OSMR: variants seen among roughly 807,000 people sequenced by gnomAD.
The protein encoded by OSMR is oncostatin M receptor, also known as oncostatin-M-specific receptor subunit beta.
A neutral mutation model predicts 99.9 loss-of-function variants in OSMR; 81 were observed. That is an observed-to-expected ratio of 0.81 (90% CI 0.68 to 0.97). The LOEUF is 0.97. Ranked by LOEUF, OSMR falls within the 50% of genes least tolerant of loss-of-function variation. The pLI, the probability that OSMR is intolerant of heterozygous loss-of-function variation, is 0.00. For missense variants in OSMR, 1,099 were observed against 1,153.4 expected (o/e 0.95, Z 0.68); for synonymous variants, 406 against 410.4 (o/e 0.99, Z 0.13).
intron 15 of OSMR, 21 bp downstream of exon 15, chr5:38,925,392 G>A (rs2112670771): frequency 1.9e-6 from 3 of 1,603,980 alleles, no homozygotes; most frequent in South Asian, 1.1e-5. Context: ...CCAAATCAAA[G>A]TTCTTCCCTT....
Position 38,901,077 on chromosome 5 carries a change from A to G in OSMR, c.992-2805A>G, listed in dbSNP as rs371809911. Among the ~76,000 whole-genome samples the G allele has an allele frequency of 5.6e-4, 86 of 152,336 alleles. 2 individuals carry two copies. In the South Asian group the frequency reaches 0.018, roughly 31 times the overall value. Reference sequence around the variant, plus strand: ...GCCCATGAGTCTGTGAAAATACAGCAAGATATGGTGAGTAAGGCGGCTGGC... The same window carrying G: ...GCCCATGAGTCTGTGAAAATACAGCGAGATATGGTGAGTAAGGCGGCTGGC... On this transcript the variant is annotated intron_variant, in intron 7 of 17. Coordinates refer to ENST00000274276, the MANE Select transcript of OSMR (RefSeq NM_003999.3).
At chr5:38,885,989 C>T (rs766733717) in intron 6 of OSMR, 50 bp from the exon 7 acceptor site, 7 of 1,605,350 alleles carry the variant, frequency 4.4e-6, no homozygotes, top group Non-Finnish European at 8.5e-7. Context: ...TTTGCTTTGA[C>T]AAAAGTAAAA....
chr5:38,927,941 T>C (rs1746545092), intron 15 of OSMR, among the ~76,000 whole-genome samples: 1 of 152,212 alleles, frequency 6.6e-6, no homozygotes, highest in Non-Finnish European at 1.5e-5. Flanking sequence ...AAGTTCAACG[T>C]TCCACAGATC....
intron 9 of OSMR, among the ~76,000 whole-genome samples, chr5:38,913,027 T>A (rs1294690669): frequency 6.6e-6 from 1 of 152,070 alleles, no homozygotes; most frequent in Non-Finnish European, 1.5e-5. Flanking sequence ...GGAAATAATT[T>A]ATGACTAAGT....
At chr5:38,858,557 C>T (rs188535401) in intron 1 of OSMR, among the ~76,000 whole-genome samples, 11 of 152,226 alleles carry the variant, frequency 7.2e-5, no homozygotes, top group Admixed American at 1.3e-4. Context: ...TTGTGAATAG[C>T]GCTGCAACAA....
downstream of OSMR, chr5:38,945,204 T>C (rs1748057952): frequency 2.9e-6 from 2 of 688,810 alleles, no homozygotes; most frequent in Non-Finnish European, 4.7e-6. Context: ...CTTCCAAAAC[T>C]TTTTTCCTCA....
rs761946328 is a variant in OSMR, at chr5:38,918,872, C to T, written c.1395C>T (p.Ile465=). 3 of 1,613,904 alleles carry T rather than the reference C, an allele frequency of 1.9e-6. No homozygotes were observed. Among genetic ancestry groups the T allele is most frequent in the Non-Finnish European group, 2.5e-6 (3 of 1,179,888 alleles). The change falls in exon 11 of 18, where the codon ATC becomes ATT. Residue 465 remains isoleucine, a synonymous_variant. Coordinates refer to ENST00000274276, the MANE Select transcript of OSMR (RefSeq NM_003999.3). ...CAAAACTGCATGCCAATGGAAAGAT[C>T]CTGTTCTATAATGTAGTTGTAGAAA... ...PLSKLHANGK[I]LFYNVVVENL...
At chr5:38,907,157 G>C (rs1745290955) in intron 9 of OSMR, among the ~76,000 whole-genome samples, 1 of 152,184 alleles carries the variant, frequency 6.6e-6, no homozygotes, top group Non-Finnish European at 1.5e-5. Context: ...AGTGGACACA[G>C]GGAGAATGCA....
At chr5:38,921,863 G>C in intron 12 of OSMR, 69 bp downstream of exon 12, 1 of 1,339,232 alleles carries the variant, frequency 7.5e-7, no homozygotes, top group Non-Finnish European at 1.1e-6. Context: ...GGGATTTCTG[G>C]ACTACTTCAC....
chr5:38,896,677 T>C (rs1744540412), intron 7 of OSMR, among the ~76,000 whole-genome samples: 1 of 152,146 alleles, frequency 6.6e-6, no homozygotes, highest in Non-Finnish European at 1.5e-5. Flanking sequence ...GGACTTCCAG[T>C]ACTATGTCGA....
chr5:38,872,842 G>A (rs1742497979), intron 2 of OSMR, among the ~76,000 whole-genome samples: 1 of 151,938 alleles, frequency 6.6e-6, no homozygotes, highest in Admixed American at 6.6e-5. Context: ...AAAGCGCATG[G>A]GAAAATCCAA....
chr5:38,939,159 C>T (rs1461895923), downstream of OSMR: 1 of 232,916 alleles, frequency 4.3e-6, no homozygotes. Flanking sequence ...AAAAGGCATC[C>T]TCTGAATGGA....
chr5:38,904,443 G>A lies in OSMR; in HGVS notation c.1225G>A (p.Ala409Thr). ...CATGGCGCGAGTACGGTGTGCTGATGCCAGCCACTTCTGGAAATGGAGTGA... is the reference window on the plus strand; with the variant it reads ...CATGGCGCGAGTACGGTGTGCTGATACCAGCCACTTCTGGAAATGGAGTGA... The part of the protein sequence containing the change: ...EYMARVRCAD[A>T]SHFWKWSEWS... The change falls in exon 9 of 18, where the codon GCC becomes ACC. Residue 409 changes from alanine (A) to threonine (T), a missense_variant. Ala to Thr is a moderately conservative substitution (Grantham distance 58). Coordinates refer to ENST00000274276, the MANE Select transcript of OSMR (RefSeq NM_003999.3). 1 of 1,614,164 alleles carries A rather than the reference G, an allele frequency of 6.2e-7. No homozygotes were observed. Among genetic ancestry groups the A allele is most frequent in the Non-Finnish European group, 8.5e-7 (1 of 1,180,034 alleles).
rs1261909236 is a variant in OSMR, at chr5:38,885,341, A to G, written c.704-8A>G. The G allele has an allele frequency of 1.9e-6, 3 of 1,613,644 alleles. No individual in the cohort carries two copies. Among genetic ancestry groups the G allele is most frequent in the East Asian group, 2.2e-5 (1 of 44,874 alleles). ...TTTAACTAGGTCTGTTTTCCTTTGT[A>G]TGGACAGAAGTACTTGAGGAGCCCA... On this transcript the variant is annotated splice_polypyrimidine_tract_variant and splice_region_variant and intron_variant, in intron 5 of 17. Coordinates refer to ENST00000274276, the MANE Select transcript of OSMR (RefSeq NM_003999.3).
chr5:38,945,186 A>G, downstream of OSMR: 1 of 779,294 alleles, frequency 1.3e-6, no homozygotes, highest in Non-Finnish European at 2.0e-6. Flanking sequence ...TATGCAATAT[A>G]CCAAACACTT....
downstream of OSMR, chr5:38,938,927 C>T (rs1747241454): frequency 8.6e-6 from 2 of 232,682 alleles, no homozygotes; most frequent in Admixed American, 5.6e-5. Context: ...TTCTTTTTTC[C>T]CCATGTTTTA....
chr5:38,918,743 TATAA>T, intron 10 of OSMR, 93 bp from the exon 11 acceptor site: 1 of 1,553,704 alleles, frequency 6.4e-7, no homozygotes, highest in Admixed American at 1.9e-5. Flanking sequence ...TGTGTGCGTA[TATAA>T]AGGAGTTGAG....
chr5:38,919,416 G>C, intron 11 of OSMR: 1 of 1,173,526 alleles, frequency 8.5e-7, no homozygotes, highest in East Asian at 5.5e-5. Flanking sequence ...AATAGGAATT[G>C]CATTTACTAT....
intron 1 of OSMR, among the ~76,000 whole-genome samples, chr5:38,866,444 T>G (rs1299656404): frequency 6.6e-6 from 1 of 152,092 alleles, no homozygotes; most frequent in Non-Finnish European, 1.5e-5. Context: ...CTCTCAGGCT[T>G]TTGGGAGCAC....
Sources: allele counts gnomAD v4.1 joint callset (sites outside exome capture counted in the v4.1 genomes callset), GRCh38; gene constraint gnomAD v4.1.1; transcripts MANE v1.5; gene names NCBI Gene and HGNC (gene_info 2026-07-23, HGNC 2026-07-21).